Variants in RASAL2 observed in about 807,000 individuals in gnomAD.
The protein encoded by RASAL2 is RAS protein activator like 2.
RASAL2 carries 58 observed loss-of-function variants against 128.9 expected under a neutral mutation model. That is an observed-to-expected ratio of 0.45 (90% CI 0.36 to 0.56). The LOEUF (loss-of-function observed/expected upper bound fraction) is 0.56, where lower values mean the gene tolerates loss of function less well. Among genes scored for constraint, RASAL2 ranks in the 20% least tolerant of loss-of-function variants. The probability of loss-of-function intolerance (pLI) is 0.00; values close to 1 mark genes in which losing one functional copy is unlikely to be tolerated. For missense variants in RASAL2, 1,360 were observed against 1,601.6 expected (o/e 0.85, Z 2.57); for synonymous variants, 561 against 580.8 (o/e 0.97, Z 0.49).
intron 1 of RASAL2, among the ~76,000 whole-genome samples, chr1:178,269,626 A>G (rs1282594570): frequency 1.1e-4 from 17 of 152,306 alleles, no homozygotes; most frequent in Admixed American, 5.9e-4. Context: ...GGTCGTCCTC[A>G]CTTCTACACT....
At chr1:178,135,955 A>G (rs1021060606) in intron 1 of RASAL2, among the ~76,000 whole-genome samples, 1 of 152,158 alleles carries the variant, frequency 6.6e-6, no homozygotes, top group African/African-American at 2.4e-5. Context: ...CTCCCACAAC[A>G]TGTGGGAATT....
At chr1:178,421,178 C>T (rs1393027837) in intron 5 of RASAL2, among the ~76,000 whole-genome samples, 1 of 151,330 alleles carries the variant, frequency 6.6e-6, no homozygotes, top group African/African-American at 2.4e-5. Flanking sequence ...CTTTTTACTG[C>T]TATGTTCTGT....
intron 1 of RASAL2, among the ~76,000 whole-genome samples, chr1:178,199,428 C>G (rs1276101421): frequency 6.6e-6 from 1 of 152,170 alleles, no homozygotes; most frequent in Non-Finnish European, 1.5e-5. Context: ...CCTATTTGGC[C>G]ATCTTGGAAC....
At chr1:178,372,516 G>A (rs1296381819) in intron 3 of RASAL2, among the ~76,000 whole-genome samples, 2 of 152,144 alleles carry the variant, frequency 1.3e-5, no homozygotes, top group Non-Finnish European at 2.9e-5. Context: ...CACTAGCTAT[G>A]AGAAATAAGA....
At chr1:178,159,357 T>C (rs1287948131) in intron 1 of RASAL2, among the ~76,000 whole-genome samples, 2 of 152,234 alleles carry the variant, frequency 1.3e-5, no homozygotes, top group African/African-American at 4.8e-5. Context: ...ATATATTTAC[T>C]CTAACTAGGC....
At chr1:178,284,390 G>A (rs573391507) in intron 2 of RASAL2, among the ~76,000 whole-genome samples, 9 of 152,242 alleles carry the variant, frequency 5.9e-5, no homozygotes, top group South Asian at 4.1e-4. Flanking sequence ...AATCTAACTC[G>A]AAGGCAGAAA....
At chr1:178,255,315 C>A (rs1203663835) in intron 1 of RASAL2, among the ~76,000 whole-genome samples, 1 of 151,918 alleles carries the variant, frequency 6.6e-6, no homozygotes, top group African/African-American at 2.4e-5. Flanking sequence ...AGTATAAATG[C>A]TTATTTTCTC....
chr1:178,146,786 G>C (rs561745984), intron 1 of RASAL2, among the ~76,000 whole-genome samples: 1 of 152,190 alleles, frequency 6.6e-6, no homozygotes, highest in Non-Finnish European at 1.5e-5. Flanking sequence ...TAAGATTGCT[G>C]TGCCATACCA....
chr1:178,379,578 C>A (rs970024150), intron 3 of RASAL2, among the ~76,000 whole-genome samples: 7 of 152,206 alleles, frequency 4.6e-5, no homozygotes, highest in African/African-American at 1.7e-4. Context: ...AGTGATAATT[C>A]AGTTTTTCAT....
At chr1:178,371,230 A>T (rs1438465743) in intron 3 of RASAL2, among the ~76,000 whole-genome samples, 1 of 151,534 alleles carries the variant, frequency 6.6e-6, no homozygotes, top group Non-Finnish European at 1.5e-5. Context: ...CACCTTCATG[A>T]TGATGTTGCA....
intron 1 of RASAL2, among the ~76,000 whole-genome samples, chr1:178,200,637 T>C (rs1199227058): frequency 6.6e-6 from 1 of 152,098 alleles, no homozygotes; most frequent in Non-Finnish European, 1.5e-5. Context: ...CAGAAGCTCT[T>C]ATGTGAGTGA....
At chr1:178,131,001 C>T (rs1660087139) in intron 1 of RASAL2, among the ~76,000 whole-genome samples, 1 of 100,968 alleles carries the variant, frequency 9.9e-6, no homozygotes, top group South Asian at 4.3e-4. Context: ...TTGCAGTGAG[C>T]CGAGATAGCA....
chr1:178,194,133 A>G (rs1558107137), intron 1 of RASAL2, among the ~76,000 whole-genome samples: 3 of 152,212 alleles, frequency 2.0e-5, no homozygotes, highest in Non-Finnish European at 4.4e-5. Context: ...AACAAGAACT[A>G]TCACCCATCC....
In RASAL2 at chr1:178,434,354, G is replaced by A. The variant is rs1557986080; in HGVS notation, c.675-5068G>A. Among the ~76,000 whole-genome samples, 3 of 152,178 alleles carry A rather than the reference G, an allele frequency of 2.0e-5. No homozygotes were observed. In the East Asian group the frequency reaches 5.8e-4, roughly 29 times the overall value. On this transcript the variant is annotated intron_variant, in intron 5 of 17. Transcript: ENST00000367649. ...TTCCTTCTGTATCCACCTTCACTGT[G>A]TGTATACATGTATATGTACCAAGTA...
chr1:178,451,631 G>C lies in RASAL2; in HGVS notation c.1688G>C (p.Cys563Ser). 1 of 1,613,876 alleles carries C rather than the reference G, an allele frequency of 6.2e-7. No individual in the cohort carries two copies. Among genetic ancestry groups the C allele is most frequent in the African/African-American group, 1.3e-5 (1 of 75,038 alleles). ...AACTGTGAAGTGGATCCCAGCAAAT[G>C]TTCATCTAGTGAACTGATAGACCAT... ...DENCEVDPSK[C>S]SSSELIDHQS... The change falls in exon 10 of 18, where the codon TGT becomes TCT. Residue 563 changes from cysteine (C) to serine (S), a missense_variant. Physicochemically the swap from Cys to Ser is moderately radical, Grantham distance 112 (BLOSUM62 -1). Transcript: ENST00000367649.
intron 3 of RASAL2, among the ~76,000 whole-genome samples, chr1:178,385,216 G>A (rs1420768458): frequency 6.6e-6 from 1 of 152,188 alleles, no homozygotes; most frequent in Non-Finnish European, 1.5e-5. Context: ...ACTTTGGGAG[G>A]CCAAGGCGAG....
intron 1 of RASAL2, among the ~76,000 whole-genome samples, chr1:178,140,970 C>T (rs1232226510): frequency 6.6e-6 from 1 of 152,156 alleles, no homozygotes; most frequent in Non-Finnish European, 1.5e-5. Context: ...AAGCGGAAGG[C>T]AGAAGGGCAG....
At chr1:178,364,346 C>CT (rs1355826696) in intron 3 of RASAL2, among the ~76,000 whole-genome samples, 1 of 152,140 alleles carries the variant, frequency 6.6e-6, no homozygotes, top group Non-Finnish European at 1.5e-5. Context: ...ATAAGAATAT[C>CT]TAAGTCTTCA....
intron 1 of RASAL2, among the ~76,000 whole-genome samples, chr1:178,110,507 AG>A (rs1349338212): frequency 6.8e-6 from 1 of 147,938 alleles, no homozygotes; most frequent in African/African-American, 2.5e-5. Flanking sequence ...TAGTATATAT[AG>A]CATATATAGT....
Sources: allele counts gnomAD v4.1 joint callset (sites outside exome capture counted in the v4.1 genomes callset), GRCh38; gene constraint gnomAD v4.1.1; transcripts MANE v1.5; gene names NCBI Gene and HGNC (gene_info 2026-07-23, HGNC 2026-07-21).